Variants in BRAF observed in about 807,000 individuals in gnomAD.
BRAF encodes the protein serine/threonine-protein kinase B-raf.
Under a neutral mutation model 104.6 loss-of-function variants are expected in BRAF, and 16 were observed. The observed-to-expected ratio is 0.15, with a 90% CI of 0.10 to 0.23. The LOEUF (loss-of-function observed/expected upper bound fraction) is 0.23. Among genes scored for constraint, BRAF ranks in the 10% least tolerant of loss-of-function variants. The probability of loss-of-function intolerance (pLI) is 1.00; values close to 1 mark genes in which losing one functional copy is unlikely to be tolerated. For synonymous variants in BRAF, 310 were observed against 341.6 expected, an observed-to-expected ratio of 0.91 and a Z score of 1.02; for missense variants, 541 against 937.3, an observed-to-expected ratio of 0.58 and a Z score of 5.52.
At chr7:140,866,826 T>C (rs1227485162) in intron 1 of BRAF, among the ~76,000 whole-genome samples, 1 of 152,164 alleles carries the variant, frequency 6.6e-6, no homozygotes, top group East Asian at 1.9e-4. Context: ...GTATGCTCAC[T>C]AGTTTTATGT....
At chr7:140,863,038 T>C (rs1810580766) in intron 1 of BRAF, among the ~76,000 whole-genome samples, 2 of 152,178 alleles carry the variant, frequency 1.3e-5, no homozygotes. Flanking sequence ...TTTACTTCAA[T>C]AGGAATCATC....
rs1818599349 is a variant in BRAF, at chr7:140,924,277, C to G, written c.138+289G>C. ...CCAATCGTGACCTTCTCGGACCAAC[C>G]CTGAGTTTCGCCCCCTATTGATAGC... On this transcript the variant is annotated intron_variant, in intron 1 of 19. Coordinates refer to ENST00000644969, the MANE Select transcript of BRAF (RefSeq NM_001374258.1). The surrounding 1 kb of genome is among the most constrained non-coding windows in gnomAD (Gnocchi z 4.2). 6.6e-6 allele frequency among the ~76,000 whole-genome samples: 1 copy of G among 152,136 alleles called. No individual in the cohort carries two copies. Among genetic ancestry groups the G allele is most frequent in the Non-Finnish European group, 1.5e-5 (1 of 68,022 alleles).
intron 1 of BRAF, among the ~76,000 whole-genome samples, chr7:140,851,508 C>T (rs1409034242): frequency 2.0e-5 from 3 of 152,040 alleles, no homozygotes; most frequent in Non-Finnish European, 4.4e-5. Context: ...TAGATTATTC[C>T]ATTTCCTCAA....
intron 17 of BRAF, among the ~76,000 whole-genome samples, chr7:140,745,761 C>A (rs2128991506): frequency 6.6e-6 from 1 of 152,280 alleles, no homozygotes; most frequent in East Asian, 1.9e-4. Flanking sequence ...CTTCTATATT[C>A]CATAGTGCTT....
At chr7:140,802,044 G>T (rs985706709) in intron 5 of BRAF, among the ~76,000 whole-genome samples, 1 of 151,984 alleles carries the variant, frequency 6.6e-6, no homozygotes, top group Non-Finnish European at 1.5e-5. Context: ...GGGAGAGGAA[G>T]AACTATAAAT....
chr7:140,740,152 C>T, intron 17 of BRAF: 1 of 563,492 alleles, frequency 1.8e-6, no homozygotes, highest in Non-Finnish European at 3.1e-6. Flanking sequence ...CTTCATGATC[C>T]TTGGACTGTG....
At chr7:140,768,413 T>C (rs938352358) in intron 14 of BRAF, among the ~76,000 whole-genome samples, 2 of 152,152 alleles carry the variant, frequency 1.3e-5, no homozygotes, top group Admixed American at 1.3e-4. Flanking sequence ...CCCAGTGTAA[T>C]GGTGTTGAGA....
chr7:140,882,468 C>T (rs554137777), intron 1 of BRAF, among the ~76,000 whole-genome samples: 8 of 151,412 alleles, frequency 5.3e-5, no homozygotes, highest in South Asian at 2.1e-4. Flanking sequence ...CTCTGCCTCC[C>T]GGGGGTTCAA....
downstream of BRAF, among the ~76,000 whole-genome samples, chr7:140,717,446 T>G (rs1231219883): frequency 6.6e-6 from 1 of 152,164 alleles, no homozygotes; most frequent in South Asian, 2.1e-4. Context: ...AATTAAATTT[T>G]TTTTTTGGCC....
At chr7:140,914,838 G>A (rs1279183520) in intron 1 of BRAF, among the ~76,000 whole-genome samples, 2 of 151,636 alleles carry the variant, frequency 1.3e-5, no homozygotes, top group Admixed American at 1.3e-4. Flanking sequence ...AGGAGATCGA[G>A]ACCATCCTAG....
intron 1 of BRAF, among the ~76,000 whole-genome samples, chr7:140,881,648 T>C (rs988444990): frequency 2.0e-5 from 3 of 152,232 alleles, no homozygotes; most frequent in African/African-American, 4.8e-5. Flanking sequence ...ACAAAAGGCA[T>C]AGCTTTTTGA....
chr7:140,718,823 A>G (rs753376808), downstream of BRAF, among the ~76,000 whole-genome samples: 7 of 152,250 alleles, frequency 4.6e-5, no homozygotes, highest in Non-Finnish European at 7.3e-5. Flanking sequence ...TCAAATGCAG[A>G]AAATCAACTC....
At chr7:140,809,431 T>G (rs1803992560) in intron 3 of BRAF, among the ~76,000 whole-genome samples, 1 of 152,100 alleles carries the variant, frequency 6.6e-6, no homozygotes, top group Non-Finnish European at 1.5e-5. Flanking sequence ...GCCCTAAACA[T>G]AGCGGGAAGA....
chr7:140,877,376 A>T (rs1812390302), intron 1 of BRAF, among the ~76,000 whole-genome samples: 1 of 151,900 alleles, frequency 6.6e-6, no homozygotes, highest in Non-Finnish European at 1.5e-5. Flanking sequence ...CAGCCTCCCA[A>T]ATAGCTGGAA....
intron 14 of BRAF, among the ~76,000 whole-genome samples, chr7:140,766,351 A>C (rs553300867): frequency 6.6e-4 from 100 of 152,270 alleles, no homozygotes; most frequent in Non-Finnish European, 1.1e-3. Flanking sequence ...ATGACGAGTT[A>C]ATGGGTGCAG....
chr7:140,765,165 C>G (rs912676077), intron 14 of BRAF, among the ~76,000 whole-genome samples: 30 of 152,150 alleles, frequency 2.0e-4, no homozygotes, highest in South Asian at 6.2e-4. Flanking sequence ...ACTATCTGAT[C>G]TTTGACAAAC....
intron 14 of BRAF, among the ~76,000 whole-genome samples, chr7:140,768,724 T>G (rs566487261): frequency 6.6e-6 from 1 of 152,250 alleles, no homozygotes; most frequent in East Asian, 1.9e-4. Context: ...CTCAAACTCC[T>G]GGGCTCAAGC....
intron 14 of BRAF, among the ~76,000 whole-genome samples, chr7:140,774,797 G>T (rs1457083310): frequency 6.6e-6 from 1 of 152,310 alleles, no homozygotes; most frequent in Non-Finnish European, 1.5e-5. Flanking sequence ...GATTACAGGT[G>T]TGAGCCAACA....
intron 5 of BRAF, among the ~76,000 whole-genome samples, chr7:140,804,647 T>C (rs971103121): frequency 1.3e-5 from 2 of 151,980 alleles, no homozygotes; most frequent in African/African-American, 2.4e-5. Flanking sequence ...TCACAAATAA[T>C]GATATTTTAC....
Sources: allele counts gnomAD v4.1 joint callset (sites outside exome capture counted in the v4.1 genomes callset), GRCh38; gene constraint gnomAD v4.1.1; non-coding constraint Gnocchi (gnomAD v3.1); transcripts MANE v1.5; gene names NCBI Gene and HGNC (gene_info 2026-07-23, HGNC 2026-07-21).